The following CUX1 variants were observed in gnomAD, a reference collection of about 807,000 sequenced individuals.
CUX1 encodes protein CASP.
In CUX1, 31 loss-of-function variants were observed where a neutral mutation model predicts 158.8. The ratio of observed to expected loss-of-function variants is 0.20; its 90% CI spans 0.15 to 0.26. The LOEUF (loss-of-function observed/expected upper bound fraction) is 0.26, where lower values mean the gene tolerates loss of function less well. CUX1 is among the 10% of genes least tolerant of loss of function. The pLI, the probability that CUX1 is intolerant of heterozygous loss-of-function variation, is 1.00. For missense variants in CUX1, 1,589 were observed against 2,014.6 expected (o/e 0.79, Z 4.04); for synonymous variants, 879 against 862.1 (o/e 1.02, Z -0.34).
chr7:101,856,717 C>T (rs1353095833), intron 1 of CUX1, among the ~76,000 whole-genome samples: 2 of 152,208 alleles, frequency 1.3e-5, no homozygotes, highest in African/African-American at 4.8e-5. Flanking sequence ...CTGTTTTTTT[C>T]TACGCAGAAA....
chr7:102,195,539 G>T lies in CUX1; in HGVS notation c.1158G>T (p.Leu386=). The T allele has an allele frequency of 6.2e-7, 1 of 1,613,026 alleles. No homozygotes were observed. Among genetic ancestry groups the T allele is most frequent in the Non-Finnish European group, 8.5e-7 (1 of 1,179,876 alleles). Residue 386 remains leucine, a synonymous_variant, in exon 14 of 24, where the codon CTG becomes CTT. Coordinates refer to ENST00000292535, the MANE Select transcript of CUX1 (RefSeq NM_181552.4). ...DAAKPLEVLL[L]EKNRSLQSEN... The stretch of plus-strand genomic sequence containing the variant: ...CCAAGCCCCTGGAGGTGCTGTTGCT[G>T]GAGAAGAACCGCTCGCTGCAGTCCG...
chr7:101,984,092 ATAT>A (rs1563091679), intron 2 of CUX1, among the ~76,000 whole-genome samples: 614 of 19,546 alleles, frequency 0.031, 13 homozygotes, highest in Non-Finnish European at 0.041. Context: ...AAAAAAAAAT[ATAT>A]ATATATATAT....
chr7:101,909,482 A>G (rs1803171737), intron 1 of CUX1, among the ~76,000 whole-genome samples: 1 of 152,250 alleles, frequency 6.6e-6, no homozygotes, highest in Non-Finnish European at 1.5e-5. Flanking sequence ...ATTCATCGAA[A>G]TGATTCTGTT....
intron 2 of CUX1, among the ~76,000 whole-genome samples, chr7:102,011,921 A>G (rs1460257939): frequency 2.7e-5 from 4 of 149,344 alleles, no homozygotes; most frequent in African/African-American, 9.9e-5. Context: ...TGATTCTCCA[A>G]CCTCAGCCTC....
intron 4 of CUX1, among the ~76,000 whole-genome samples, chr7:102,083,850 T>G (rs1288333911): frequency 6.8e-6 from 1 of 147,198 alleles, no homozygotes; most frequent in Non-Finnish European, 1.5e-5. Flanking sequence ...TTGAATGTTA[T>G]ATTAAAGGAT....
intron 1 of CUX1, among the ~76,000 whole-genome samples, chr7:101,841,115 G>A (rs953168367): frequency 6.6e-6 from 1 of 151,826 alleles, no homozygotes; most frequent in African/African-American, 2.4e-5. Flanking sequence ...GGATGGTCTC[G>A]ATCTCCTGAC....
At chr7:102,083,447 C>T (rs1301865151) in intron 4 of CUX1, among the ~76,000 whole-genome samples, 1 of 146,816 alleles carries the variant, frequency 6.8e-6, no homozygotes, top group African/African-American at 2.4e-5. Context: ...GCTGGGACTA[C>T]AGGCATGTGC....
At chr7:102,029,747 G>A (rs1418168180) in intron 3 of CUX1, among the ~76,000 whole-genome samples, 2 of 152,142 alleles carry the variant, frequency 1.3e-5, no homozygotes, top group African/African-American at 4.8e-5. Context: ...GCATCCCAGG[G>A]CTTGGATGGA....
chr7:102,238,840 T>C (rs1306655865), intron 22 of CUX1, among the ~76,000 whole-genome samples: 1 of 152,234 alleles, frequency 6.6e-6, no homozygotes, highest in Non-Finnish European at 1.5e-5. Flanking sequence ...TTGGTGAGCA[T>C]GTGCTGGTAA....
At chr7:101,852,213 T>C (rs1305494839) in intron 1 of CUX1, among the ~76,000 whole-genome samples, 3 of 152,242 alleles carry the variant, frequency 2.0e-5, no homozygotes, top group Non-Finnish European at 4.4e-5. Context: ...TAAACTTTTA[T>C]GCATCTTATT....
chr7:101,943,010 G>C (rs550626839), intron 2 of CUX1, among the ~76,000 whole-genome samples: 1 of 149,092 alleles, frequency 6.7e-6, no homozygotes, highest in Non-Finnish European at 1.5e-5. Context: ...ACCCATGTTC[G>C]TTGTGGCTTA....
At chr7:102,041,129 A>C (rs1822023287) in intron 3 of CUX1, among the ~76,000 whole-genome samples, 1 of 151,652 alleles carries the variant, frequency 6.6e-6, no homozygotes, top group Non-Finnish European at 1.5e-5. Flanking sequence ...TCTACTAAAA[A>C]TACAAAAAAA....
At chr7:102,063,184 C>T (rs7792483) in intron 3 of CUX1, among the ~76,000 whole-genome samples, 2,957 of 151,614 alleles carry the variant, frequency 0.02, 98 homozygotes, top group African/African-American at 0.068. Context: ...AAAACATAAC[C>T]GTGGAATCCA....
intron 1 of CUX1, among the ~76,000 whole-genome samples, chr7:101,864,164 G>T (rs1366777552): frequency 5.6e-5 from 8 of 142,684 alleles, no homozygotes; most frequent in Non-Finnish European, 7.7e-5. Flanking sequence ...TTTCTGGATT[G>T]TTTTTTTTTT....
chr7:102,229,748 G>C (rs1219512892), intron 21 of CUX1, among the ~76,000 whole-genome samples: 3 of 151,018 alleles, frequency 2.0e-5, no homozygotes, highest in African/African-American at 7.3e-5. Context: ...CTCCCAAGTA[G>C]CTGGGATTAC....
intron 20 of CUX1, among the ~76,000 whole-genome samples, chr7:102,220,329 C>A (rs1797682366): frequency 6.6e-6 from 1 of 152,218 alleles, no homozygotes; most frequent in Non-Finnish European, 1.5e-5. Context: ...CCACTACACT[C>A]CAGCCTGGGC....
Position 102,251,844 on chromosome 7 carries a change from A to G in CUX1, c.*2802A>G, listed in dbSNP as rs1554540216. On this transcript the variant is annotated 3_prime_UTR_variant, in exon 24 of 24. Coordinates refer to ENST00000292535, the MANE Select transcript of CUX1 (RefSeq NM_181552.4). ...GTTTAGTTTTAAAGGCATGACTGTT[A>G]TTTACAAAGGTGTTAAATCTGAGGA... is the stretch of plus-strand genomic sequence containing the variant. The G allele has an allele frequency of 7.1e-6, 7 of 985,328 alleles. No homozygotes were observed. Among genetic ancestry groups the G allele is most frequent in the Non-Finnish European group, 8.4e-6 (7 of 829,932 alleles). 61.0% of individuals were successfully genotyped at this position (985,328 alleles called of 1,614,324 possible).
At chr7:102,194,597 ATT>A (rs1196063295) in intron 13 of CUX1, among the ~76,000 whole-genome samples, 1 of 146,834 alleles carries the variant, frequency 6.8e-6, no homozygotes, top group Admixed American at 6.8e-5. Flanking sequence ...GAGACTGACT[ATT>A]TTTTTTTTAA....
chr7:102,029,550 G>A (rs1407304479), intron 3 of CUX1, among the ~76,000 whole-genome samples: 2 of 152,110 alleles, frequency 1.3e-5, no homozygotes, highest in African/African-American at 2.4e-5. Context: ...GGAGGCCAGG[G>A]CGATTGTAGC....
Sources: gnomAD v4.1 joint callset for allele counts (sites outside exome capture counted in the v4.1 genomes callset) on GRCh38, gnomAD v4.1.1 for gene constraint, MANE v1.5 for transcripts, NCBI Gene and HGNC (gene_info 2026-07-23, HGNC 2026-07-21) for gene names.